The following HCN1 variants were observed in gnomAD, a reference collection of about 807,000 sequenced individuals.
HCN1 encodes the protein hyperpolarization activated cyclic nucleotide gated potassium channel 1.
HCN1 carries 13 observed loss-of-function variants against 78.9 expected under a neutral mutation model. The observed-to-expected ratio is 0.16, with a 90% confidence interval of 0.11 to 0.26. HCN1 has a LOEUF of 0.26. Among genes scored for constraint, HCN1 ranks in the 10% least tolerant of loss-of-function variants. HCN1 has a pLI of 1.00. For synonymous variants in HCN1, 552 were observed against 455.5 expected (o/e 1.21, Z -2.70); for missense variants, 810 against 1,154.3 (o/e 0.70, Z 4.32).
intron 5 of HCN1, among the ~76,000 whole-genome samples, chr5:45,347,875 A>C (rs1456722656): frequency 6.6e-6 from 1 of 152,252 alleles, no homozygotes; most frequent in African/African-American, 2.4e-5. Context: ...TGAAAAGACC[A>C]AATCTACGTC....
At chr5:45,336,088 G>T (rs1001946578) in intron 5 of HCN1, among the ~76,000 whole-genome samples, 1 of 151,890 alleles carries the variant, frequency 6.6e-6, no homozygotes, top group Non-Finnish European at 1.5e-5. Context: ...AGCAGCCAGG[G>T]GCAAATAAGA....
rs1441192516 is a variant in HCN1 at position 45,375,991 on chromosome 5, A to G, written c.1230+20501T>C. The stretch of plus-strand genomic sequence containing the variant: ...TATTTTATCACATATATTATATATG[A>G]TATAATATTTTATAATATTTTATCA... On this transcript the variant is annotated intron_variant, in intron 4 of 7. Transcript: ENST00000303230. 1.0e-4 allele frequency among the ~76,000 whole-genome samples: 12 copies of G among 118,298 alleles called. No homozygotes were observed. The East Asian group carries it at 2.7e-3, about 26-fold the overall frequency. 77.6% of individuals were successfully genotyped at this position (118,298 alleles called of 152,430 possible).
intron 2 of HCN1, among the ~76,000 whole-genome samples, chr5:45,492,041 G>C (rs1269148375): frequency 6.6e-6 from 1 of 151,972 alleles, no homozygotes; most frequent in Non-Finnish European, 1.5e-5. Context: ...AAAAATTTTA[G>C]ATAATCACTG....
intron 2 of HCN1, among the ~76,000 whole-genome samples, chr5:45,479,148 T>C (rs1408522445): frequency 6.8e-6 from 1 of 147,690 alleles, no homozygotes; most frequent in Non-Finnish European, 1.5e-5. Flanking sequence ...AAAGAATGAG[T>C]TGAAGAAGAG....
chr5:45,489,332 T>C (rs1249018965), intron 2 of HCN1, among the ~76,000 whole-genome samples: 8 of 152,166 alleles, frequency 5.3e-5, no homozygotes, highest in African/African-American at 1.4e-4. Flanking sequence ...TTAAGAGCCT[T>C]GAAACTCATG....
chr5:45,352,888 G>T (rs1241727912), intron 5 of HCN1, among the ~76,000 whole-genome samples: 1 of 151,980 alleles, frequency 6.6e-6, no homozygotes, highest in African/African-American at 2.4e-5. Context: ...ACAGACAAGA[G>T]AACAGTTCTG....
At chr5:45,656,103 A>C (rs1664701166) in intron 1 of HCN1, among the ~76,000 whole-genome samples, 2 of 152,164 alleles carry the variant, frequency 1.3e-5, no homozygotes. Flanking sequence ...ACTAAAAGAG[A>C]ATTTAAGACA....
intron 1 of HCN1, among the ~76,000 whole-genome samples, chr5:45,665,171 C>T (rs1471533358): frequency 6.6e-6 from 1 of 151,712 alleles, no homozygotes. Context: ...AATTGGAAAT[C>T]ATCATTCTCA....
chr5:45,443,497 A>G (rs950373820), intron 3 of HCN1, among the ~76,000 whole-genome samples: 8 of 152,206 alleles, frequency 5.3e-5, no homozygotes, highest in African/African-American at 1.9e-4. Flanking sequence ...AAGTAAATGT[A>G]ATTTTACAAT....
chr5:45,494,374 G>GT (rs1472428184), intron 2 of HCN1, among the ~76,000 whole-genome samples: 4 of 152,264 alleles, frequency 2.6e-5, no homozygotes, highest in Middle Eastern at 6.8e-3. Flanking sequence ...TTTTTCATGT[G>GT]TTTTTTGGCT....
intron 2 of HCN1, among the ~76,000 whole-genome samples, chr5:45,466,061 G>A (rs1579912764): frequency 6.6e-6 from 1 of 152,088 alleles, no homozygotes; most frequent in African/African-American, 2.4e-5. Flanking sequence ...TAATATTTGC[G>A]AATCGTTCAT....
At chr5:45,354,129 T>C (rs1746965062) in intron 4 of HCN1, among the ~76,000 whole-genome samples, 1 of 151,908 alleles carries the variant, frequency 6.6e-6, no homozygotes, top group Admixed American at 6.6e-5. Flanking sequence ...GCATGGATAT[T>C]ACCTGGGTGC....
chr5:45,263,178 C>T (rs142411273), intron 7 of HCN1, among the ~76,000 whole-genome samples: 4 of 152,196 alleles, frequency 2.6e-5, no homozygotes, highest in African/African-American at 9.6e-5. Flanking sequence ...CAAGAAAGGA[C>T]CATGGAGACA....
chr5:45,417,544 G>T (rs1740141104), intron 3 of HCN1, among the ~76,000 whole-genome samples: 1 of 151,704 alleles, frequency 6.6e-6, no homozygotes, highest in Non-Finnish European at 1.5e-5. Context: ...TCCAGCAGGT[G>T]ACTGGAAAGA....
chr5:45,637,633 G>T (rs1378539627), intron 2 of HCN1, among the ~76,000 whole-genome samples: 3 of 151,266 alleles, frequency 2.0e-5, no homozygotes, highest in Non-Finnish European at 4.4e-5. Flanking sequence ...CTACCTGAAA[G>T]AAGCAATGCG....
At chr5:45,451,404 C>T (rs1239807094) in intron 3 of HCN1, among the ~76,000 whole-genome samples, 3 of 152,020 alleles carry the variant, frequency 2.0e-5, no homozygotes, top group East Asian at 1.9e-4. Flanking sequence ...TTAAATGTTA[C>T]AGATTACTAC....
chr5:45,498,318 C>T (rs943665119), intron 2 of HCN1, among the ~76,000 whole-genome samples: 2 of 152,132 alleles, frequency 1.3e-5, no homozygotes, highest in East Asian at 1.9e-4. Flanking sequence ...CTTCACTTCT[C>T]GCTTCATTTC....
intron 3 of HCN1, among the ~76,000 whole-genome samples, chr5:45,451,163 A>G (rs1740911062): frequency 6.6e-6 from 1 of 152,174 alleles, no homozygotes; most frequent in Non-Finnish European, 1.5e-5. Flanking sequence ...TGACAGTCTC[A>G]TAAATATTTG....
At chr5:45,399,275 G>T (rs1336934883) in intron 3 of HCN1, among the ~76,000 whole-genome samples, 1 of 152,220 alleles carries the variant, frequency 6.6e-6, no homozygotes, top group East Asian at 1.9e-4. Context: ...ATGCTGCCTT[G>T]CTGCTAGGCC....
Sources: allele counts gnomAD v4.1 joint callset (sites outside exome capture counted in the v4.1 genomes callset), GRCh38; gene constraint gnomAD v4.1.1; transcripts MANE v1.5; gene names NCBI Gene and HGNC (gene_info 2026-07-23, HGNC 2026-07-21).